SRP19: variants seen among roughly 807,000 people sequenced by gnomAD.
SRP19 encodes signal recognition particle 19 kDa protein.
A neutral mutation model predicts 22.4 loss-of-function variants in SRP19; 11 were observed. That is an observed-to-expected ratio of 0.49 (90% CI 0.31 to 0.81). The LOEUF (loss-of-function observed/expected upper bound fraction) is 0.81, where lower values mean the gene tolerates loss of function less well. Among genes scored for constraint, SRP19 ranks in the 40% least tolerant of loss-of-function variants. SRP19 has a pLI of 0.05. For synonymous variants in SRP19, 61 were observed against 57.6 expected (o/e 1.06, Z -0.27); for missense variants, 168 against 175.9 (o/e 0.96, Z 0.25).
intron 1 of SRP19, among the ~76,000 whole-genome samples, 186 bp downstream of exon 1, chr5:112,861,603 C>G (rs1767401202): frequency 6.6e-6 from 1 of 152,242 alleles, no homozygotes; most frequent in Non-Finnish European, 1.5e-5. Context: ...CCAGGCTCTT[C>G]TCAGGGCTCC....
Position 112,878,745 on chromosome 5 carries a change from G to T in SRP19, c.302-12858G>T, listed in dbSNP as rs780459726. ...CCTAATATAACATCAAGCTCCAGTA[G>T]GAAGGTACAGAGAGGGCAGGAAGTT... is the stretch of plus-strand genomic sequence containing the variant. On this transcript the variant is annotated intron_variant, in intron 4 of 4. Transcript: ENST00000391338. 6.8e-6 allele frequency: 11 copies of T among 1,611,890 alleles called. 1 individual carries two copies. The South Asian group carries it at 1.2e-4, about 18-fold the overall frequency.
At chr5:112,864,049 T>G (rs1449794073) in intron 2 of SRP19, among the ~76,000 whole-genome samples, 1 of 152,238 alleles carries the variant, frequency 6.6e-6, no homozygotes, top group Non-Finnish European at 1.5e-5. Flanking sequence ...AGAACGCATC[T>G]GGGAATGGAA....
At chr5:112,898,146 G>C (rs1418516507) in exon 4 of SRP19, 1 of 152,164 alleles carries the variant, frequency 6.6e-6, no homozygotes, top group Non-Finnish European at 1.5e-5. Context: ...AACAGCATAG[G>C]TAAGATGGAT....
At position 112,863,572 on chromosome 5, in the gene SRP19, G is replaced by T. The variant is rs74462203; in HGVS notation, c.118-885G>T. 3.5e-3 allele frequency among the ~76,000 whole-genome samples: 534 copies of T among 152,290 alleles called. 4 individuals are homozygous for T. The highest frequency in any genetic ancestry group is 0.012 in the African/African-American group (512 of 41,548). On this transcript the variant is annotated intron_variant, in intron 2 of 4. Coordinates refer to ENST00000505459, the MANE Select transcript of SRP19 (RefSeq NM_003135.3). ...TTTGTGTGTGGGTAGGGGTAGGGAG[G>T]CTGAGGACAGAATTTCCCTGCTCAA...
exon 5 of SRP19, chr5:112,892,644 T>A (rs745724656): frequency 6.2e-7 from 1 of 1,614,084 alleles, no homozygotes; most frequent in Non-Finnish European, 8.5e-7. Flanking sequence ...ACTTTCTTCA[T>A]GTGTTCAGAA....
downstream of SRP19, among the ~76,000 whole-genome samples, chr5:112,874,161 G>C (rs1017291907): frequency 1.3e-5 from 2 of 152,074 alleles, no homozygotes; most frequent in Non-Finnish European, 2.9e-5. Flanking sequence ...GTGAGTCCTT[G>C]TCTCAAAAAA....
At chr5:112,875,073 G>C (rs1045678300) in intron 4 of SRP19, among the ~76,000 whole-genome samples, 1 of 152,156 alleles carries the variant, frequency 6.6e-6, no homozygotes, top group African/African-American at 2.4e-5. Context: ...ACCGTGCCCG[G>C]CCCACACCAA....
intron 4 of SRP19, chr5:112,887,272 G>A: frequency 8.3e-7 from 1 of 1,208,776 alleles, no homozygotes. Flanking sequence ...CTCTGGGGAT[G>A]GGAGATGCCT....
intron 4 of SRP19, chr5:112,887,224 A>T: frequency 6.7e-7 from 1 of 1,502,612 alleles, no homozygotes; most frequent in Non-Finnish European, 9.0e-7. Context: ...AGGAGGGTGG[A>T]GGGGGCACAT....
At chr5:112,889,521 G>A (rs1018618815) in intron 4 of SRP19, among the ~76,000 whole-genome samples, 3 of 150,482 alleles carry the variant, frequency 2.0e-5, no homozygotes, top group Admixed American at 1.3e-4. Flanking sequence ...TTTGAAATAC[G>A]TAAATTATAT....
exon 5 of SRP19, chr5:112,892,874 C>G (rs778183229): frequency 6.2e-7 from 1 of 1,612,912 alleles, no homozygotes; most frequent in Non-Finnish European, 8.5e-7. Flanking sequence ...GGGAAGAAAT[C>G]TCACAAACGC....
At chr5:112,881,738 A>C (rs1379417040) in intron 4 of SRP19, among the ~76,000 whole-genome samples, 1 of 152,008 alleles carries the variant, frequency 6.6e-6, no homozygotes, top group African/African-American at 2.4e-5. Flanking sequence ...TTTAGCTCCT[A>C]ACTTAATGTT....
rs1416076728 is a variant in SRP19, at chr5:112,889,174, TA to T, written c.302-2428del. ...TGCCCAGTCTCGGCTATGTCTTTAT[TA>T]GCAGCATGAGAACAGACAAATGCAG... On this transcript the variant is annotated intron_variant, in intron 4 of 4. Transcript: ENST00000391338. Among the ~76,000 whole-genome samples the T allele has an allele frequency of 4.0e-5, 6 of 150,734 alleles. 1 individual carries two copies. Among genetic ancestry groups the T allele is most frequent in the African/African-American group, 1.5e-4 (6 of 40,486 alleles).
downstream of SRP19, among the ~76,000 whole-genome samples, chr5:112,871,243 ATTTTTTTTTTTTTT>A (rs10592964): frequency 2.1e-5 from 2 of 93,934 alleles, no homozygotes; most frequent in South Asian, 3.3e-4. Context: ...CAATCAGTGA[ATTTTTTTTTTTTTT>A]TTTTTTTTTT....
exon 5 of SRP19, chr5:112,892,499 C>T: frequency 6.2e-7 from 1 of 1,614,204 alleles, no homozygotes; most frequent in South Asian, 1.1e-5. Flanking sequence ...GAATGCCAAG[C>T]AGCCCTTTCT....
intron 4 of SRP19, among the ~76,000 whole-genome samples, chr5:112,888,077 A>G (rs1316286908): frequency 1.3e-5 from 2 of 152,234 alleles, no homozygotes; most frequent in Non-Finnish European, 2.9e-5. Flanking sequence ...TGACTCTACA[A>G]AAAAACAGAA....
At chr5:112,882,130 T>C (rs1367193943) in intron 4 of SRP19, 1 of 153,714 alleles carries the variant, frequency 6.5e-6, no homozygotes, top group East Asian at 1.9e-4. Flanking sequence ...TGTGATGATC[T>C]TCTAATATCC....
At chr5:112,882,764 C>T (rs1282918451) in intron 4 of SRP19, among the ~76,000 whole-genome samples, 1 of 152,114 alleles carries the variant, frequency 6.6e-6, no homozygotes, top group African/African-American at 2.4e-5. Flanking sequence ...GTTATCTGGC[C>T]CTTTACAGAA....
chr5:112,861,308 GCCGGGTTCCTC>G lies in SRP19; in HGVS notation c.-61_-51del, dbSNP rs1767383092. The G allele has an allele frequency of 3.2e-6, 5 of 1,583,230 alleles. No individual in the cohort carries two copies. The highest frequency in any genetic ancestry group is 4.3e-6 in the Non-Finnish European group (5 of 1,152,242). On this transcript the variant is annotated 5_prime_UTR_variant, in exon 1 of 5. Coordinates refer to ENST00000505459, the MANE Select transcript of SRP19 (RefSeq NM_003135.3). ...AAGCGGGCTGTCTCGGAAACTCAGAGCCGGGTTCCTCCCGGGTTTCTGCCGGGTTTCTCCCT... is the reference window on the plus strand; with the variant it reads ...AAGCGGGCTGTCTCGGAAACTCAGAGCCGGGTTTCTGCCGGGTTTCTCCCT...
Sources: allele counts gnomAD v4.1 joint callset (sites outside exome capture counted in the v4.1 genomes callset), GRCh38; gene constraint gnomAD v4.1.1; transcripts MANE v1.5; gene names NCBI Gene and HGNC (gene_info 2026-07-23, HGNC 2026-07-21).